The following NCOA7 variants were observed in gnomAD, a reference collection of about 807,000 sequenced individuals.
NCOA7 encodes 140 kDa estrogen receptor-associated protein.
A neutral mutation model predicts 104.3 loss-of-function variants in NCOA7; 45 were observed. The ratio of observed to expected loss-of-function variants is 0.43; its 90% CI spans 0.34 to 0.55. NCOA7 has a LOEUF of 0.55. Ranked by LOEUF, NCOA7 falls within the 20% of genes least tolerant of loss-of-function variation. NCOA7 has a pLI of 0.02. For synonymous variants in NCOA7, 398 were observed against 402.3 expected, an observed-to-expected ratio of 0.99 and a Z score of 0.13; for missense variants, 1,041 against 1,119.7, an observed-to-expected ratio of 0.93 and a Z score of 1.00.
intron 2 of NCOA7, among the ~76,000 whole-genome samples, chr6:125,842,415 A>G (rs1780256656): frequency 6.6e-6 from 1 of 152,196 alleles, no homozygotes; most frequent in Admixed American, 6.6e-5. Flanking sequence ...TCACTGCAAT[A>G]TATTGCTGTT....
At chr6:125,818,739 G>A (rs1777839515) in intron 2 of NCOA7, 1 of 152,198 alleles carries the variant, frequency 6.6e-6, no homozygotes, top group African/African-American at 2.4e-5. Flanking sequence ...GCCATCCAAA[G>A]TTATACATCT....
chr6:125,881,851 G>C (rs971144237), intron 6 of NCOA7, among the ~76,000 whole-genome samples: 2 of 151,120 alleles, frequency 1.3e-5, no homozygotes, highest in African/African-American at 4.9e-5. Context: ...TTATTTTGTT[G>C]TTGTTGTTTG....
chr6:125,804,795 A>G (rs1776275222), intron 1 of NCOA7, among the ~76,000 whole-genome samples: 2 of 152,150 alleles, frequency 1.3e-5, no homozygotes, highest in African/African-American at 4.8e-5. Flanking sequence ...TTTTTAAAAA[A>G]AGAAAAATTC....
In NCOA7 at chr6:125,855,157, A is replaced by G. The variant is rs752909312; in HGVS notation, c.188A>G (p.Tyr63Cys). Reference protein sequence around the residue: ...DKCNIAVEEEYMTDEKKKRKS... With the variant: ...DKCNIAVEEECMTDEKKKRKS... The stretch of plus-strand genomic sequence containing the variant: ...TGCAACATTGCTGTGGAAGAGGAAT[A>G]TATGACTGATGAGAAAAAAAAGAGA... Residue 63 changes from tyrosine (Y) to cysteine (C), a missense_variant, in exon 3 of 16, where the codon TAT becomes TGT. Coordinates refer to ENST00000392477, the MANE Select transcript of NCOA7 (RefSeq NM_181782.5). 1.7e-5 allele frequency: 27 copies of G among 1,613,332 alleles called. No homozygotes were observed. Among genetic ancestry groups the G allele is most frequent in the Non-Finnish European group, 2.3e-5 (27 of 1,179,962 alleles).
intron 1 of NCOA7, among the ~76,000 whole-genome samples, chr6:125,784,017 G>A (rs1344819675): frequency 6.6e-6 from 1 of 152,068 alleles, no homozygotes; most frequent in African/African-American, 2.4e-5. Context: ...AAATAACCTT[G>A]GAACAACATA....
At chr6:125,893,529 C>T (rs1296889674) in intron 10 of NCOA7, among the ~76,000 whole-genome samples, 1 of 152,026 alleles carries the variant, frequency 6.6e-6, no homozygotes, top group Non-Finnish European at 1.5e-5. Flanking sequence ...TTACAATGTA[C>T]CCTATGGGTT....
At chr6:125,922,218 A>G (rs911075079) in intron 12 of NCOA7, among the ~76,000 whole-genome samples, 1 of 152,238 alleles carries the variant, frequency 6.6e-6, no homozygotes, top group Non-Finnish European at 1.5e-5. Context: ...AGAACAGATG[A>G]CACCTGACTT....
intron 8 of NCOA7, among the ~76,000 whole-genome samples, chr6:125,888,691 C>T (rs1784419746): frequency 6.6e-6 from 1 of 152,038 alleles, no homozygotes; most frequent in Non-Finnish European, 1.5e-5. Context: ...CATGTGCTTC[C>T]AGTAGGATAT....
intron 2 of NCOA7, among the ~76,000 whole-genome samples, chr6:125,840,297 A>T (rs1218108002): frequency 6.6e-6 from 1 of 152,142 alleles, no homozygotes; most frequent in Non-Finnish European, 1.5e-5. Flanking sequence ...CTAAATATCA[A>T]AAAGTTATTT....
intron 11 of NCOA7, among the ~76,000 whole-genome samples, chr6:125,919,990 A>T (rs550646322): frequency 1.5e-4 from 23 of 152,362 alleles, no homozygotes; most frequent in Admixed American, 1.2e-3. Flanking sequence ...TTGATCTTAC[A>T]CAAAAGGCCA....
chr6:125,798,731 T>C (rs1199350150), intron 1 of NCOA7, among the ~76,000 whole-genome samples: 2 of 152,216 alleles, frequency 1.3e-5, no homozygotes, highest in African/African-American at 2.4e-5. Context: ...ACTAATGGGA[T>C]TATAAGAGAT....
At chr6:125,806,376 T>C (rs1206725091) in intron 1 of NCOA7, among the ~76,000 whole-genome samples, 1 of 152,094 alleles carries the variant, frequency 6.6e-6, no homozygotes, top group Non-Finnish European at 1.5e-5. Context: ...CCCTTCTGCC[T>C]TAATAGCATG....
intron 10 of NCOA7, among the ~76,000 whole-genome samples, chr6:125,900,842 AT>A (rs1785435710): frequency 6.6e-6 from 1 of 152,152 alleles, no homozygotes; most frequent in Non-Finnish European, 1.5e-5. Flanking sequence ...ATTACTAACC[AT>A]TGATTTAATT....
chr6:125,886,270 T>TC (rs1562981980), intron 8 of NCOA7, among the ~76,000 whole-genome samples: 1 of 151,906 alleles, frequency 6.6e-6, no homozygotes, highest in Non-Finnish European at 1.5e-5. Flanking sequence ...ACTCAGCCCT[T>TC]CCCCAACCTC....
chr6:125,836,859 G>GA (rs1241113336), intron 2 of NCOA7, among the ~76,000 whole-genome samples: 4 of 152,192 alleles, frequency 2.6e-5, no homozygotes, highest in Non-Finnish European at 4.4e-5. Context: ...TGCTACTGGA[G>GA]AGGGTGCTTG....
At chr6:125,794,319 A>G (rs1378448845) in intron 1 of NCOA7, among the ~76,000 whole-genome samples, 2 of 152,198 alleles carry the variant, frequency 1.3e-5, no homozygotes, top group African/African-American at 4.8e-5. Flanking sequence ...GCAAAATGAG[A>G]ATCAAATCAT....
intron 6 of NCOA7, 22 bp downstream of exon 6, chr6:125,881,225 G>A: frequency 3.3e-6 from 5 of 1,492,982 alleles, no homozygotes; most frequent in Non-Finnish European, 4.7e-6. Flanking sequence ...ATGCACTGAA[G>A]TTCATTTTTA....
intron 1 of NCOA7, among the ~76,000 whole-genome samples, chr6:125,794,769 A>G (rs1775147019): frequency 6.6e-6 from 1 of 152,226 alleles, no homozygotes; most frequent in African/African-American, 2.4e-5. Context: ...ATATTCACTC[A>G]TTACTAATTT....
Position 125,890,749 on chromosome 6 carries a change from GTCC to G in NCOA7, c.2036_2038del (p.Val679_Gln680delinsGlu). On this transcript the variant is annotated inframe_deletion, in exon 10 of 16. Transcript: ENST00000392477. Reference sequence around the variant, plus strand: ...CTTTGCCACTCACACTGCAGCCATGGTCCAGCAGTACGGCAAACGGAGAAAGCA... The same window carrying G: ...CTTTGCCACTCACACTGCAGCCATGGAGCAGTACGGCAAACGGAGAAAGCA... The G allele has an allele frequency of 6.2e-7, 1 of 1,613,664 alleles. No homozygotes were observed. The highest frequency in any genetic ancestry group is 8.5e-7 in the Non-Finnish European group (1 of 1,179,826).
Sources: allele counts gnomAD v4.1 joint callset (sites outside exome capture counted in the v4.1 genomes callset), GRCh38; gene constraint gnomAD v4.1.1; transcripts MANE v1.5; gene names NCBI Gene and HGNC (gene_info 2026-07-23, HGNC 2026-07-21).